Variants in PARD3B observed in about 807,000 individuals in gnomAD.
The protein encoded by PARD3B is par-3 family cell polarity regulator beta.
Under a neutral mutation model 130.2 loss-of-function variants are expected in PARD3B, and 103 were observed. The ratio of observed to expected loss-of-function variants is 0.79; its 90% CI spans 0.67 to 0.93. The LOEUF is 0.93. Among genes scored for constraint, PARD3B ranks in the 40% least tolerant of loss-of-function variants. The probability of loss-of-function intolerance (pLI) is 0.00; values close to 1 mark genes in which losing one functional copy is unlikely to be tolerated. For missense variants in PARD3B, 1,609 were observed against 1,499.2 expected (o/e 1.07, Z -1.21); for synonymous variants, 583 against 553.2 (o/e 1.05, Z -0.76).
chr2:205,221,794 G>A (rs1262560874), intron 15 of PARD3B, among the ~76,000 whole-genome samples: 1 of 152,034 alleles, frequency 6.6e-6, no homozygotes. Flanking sequence ...CTGACACAAT[G>A]CCAACAGTAG....
intron 2 of PARD3B, among the ~76,000 whole-genome samples, chr2:204,846,616 CTCTT>C (rs2044471459): frequency 6.6e-6 from 1 of 150,694 alleles, no homozygotes; most frequent in Non-Finnish European, 1.5e-5. Flanking sequence ...AGAACTTGTG[CTCTT>C]TCTGTTTCTC....
intron 15 of PARD3B, among the ~76,000 whole-genome samples, chr2:205,208,579 A>T (rs1574394689): frequency 7.0e-6 from 1 of 143,850 alleles, no homozygotes; most frequent in East Asian, 2.0e-4. Context: ...CCAATAACAG[A>T]CAAACAGAGA....
At chr2:204,756,666 C>T (rs2040687577) in intron 2 of PARD3B, among the ~76,000 whole-genome samples, 1 of 152,100 alleles carries the variant, frequency 6.6e-6, no homozygotes, top group Non-Finnish European at 1.5e-5. Flanking sequence ...GAGAGGCACG[C>T]CAGACTTGCC....
chr2:205,360,503 T>G (rs910573973), intron 18 of PARD3B, among the ~76,000 whole-genome samples: 9 of 152,266 alleles, frequency 5.9e-5, no homozygotes, highest in African/African-American at 1.9e-4. Context: ...CATTTTGGTC[T>G]TTAATCCACT....
chr2:204,819,345 G>A (rs1010802255), intron 2 of PARD3B, among the ~76,000 whole-genome samples: 1 of 152,148 alleles, frequency 6.6e-6, no homozygotes, highest in African/African-American at 2.4e-5. Flanking sequence ...TCTGTGATCA[G>A]TTATCTTTGG....
At chr2:204,932,433 A>G (rs549296835) in intron 2 of PARD3B, among the ~76,000 whole-genome samples, 8 of 152,116 alleles carry the variant, frequency 5.3e-5, no homozygotes, top group Non-Finnish European at 1.0e-4. Flanking sequence ...TATATCCTAA[A>G]AATGTATTTT....
chr2:204,688,994 T>C (rs2037228914), intron 2 of PARD3B, among the ~76,000 whole-genome samples: 1 of 152,182 alleles, frequency 6.6e-6, no homozygotes, highest in African/African-American at 2.4e-5. Flanking sequence ...ATTAAGGAAC[T>C]GTTGGTCTAT....
At chr2:205,236,657 T>C (rs2039075393) in intron 15 of PARD3B, among the ~76,000 whole-genome samples, 1 of 152,160 alleles carries the variant, frequency 6.6e-6, no homozygotes, top group African/African-American at 2.4e-5. Context: ...AGATAATATA[T>C]CATGACCAAG....
At chr2:205,414,577 A>C (rs1260587062) in intron 19 of PARD3B, among the ~76,000 whole-genome samples, 2 of 152,126 alleles carry the variant, frequency 1.3e-5, no homozygotes, top group Non-Finnish European at 1.5e-5. Context: ...CAGTTTTTTA[A>C]AGTAAAGAAC....
intron 19 of PARD3B, among the ~76,000 whole-genome samples, chr2:205,433,909 T>C (rs2047422830): frequency 6.6e-6 from 1 of 152,362 alleles, no homozygotes; most frequent in Admixed American, 6.5e-5. Flanking sequence ...CTCCTGGTGA[T>C]AAACAGCTGA....
intron 3 of PARD3B, among the ~76,000 whole-genome samples, chr2:204,986,383 C>T (rs180679753): frequency 1.2e-4 from 19 of 152,288 alleles, no homozygotes; most frequent in South Asian, 6.2e-4. Flanking sequence ...CAGAGCATAT[C>T]AACCCTAAAC....
At chr2:204,553,650 CCATATATA>C (rs2030663775) in intron 1 of PARD3B, among the ~76,000 whole-genome samples, 14 of 26,626 alleles carry the variant, frequency 5.3e-4, no homozygotes, top group African/African-American at 2.2e-3. Context: ...TTATATATAT[CCATATATA>C]TATATATATA....
intron 13 of PARD3B, 26 bp from the exon 14 acceptor site, chr2:205,185,738 C>G: frequency 6.3e-7 from 1 of 1,597,066 alleles, no homozygotes; most frequent in South Asian, 1.1e-5. Flanking sequence ...CCACTTTATA[C>G]AGCTTCATTT....
chr2:205,510,880 G>A (rs2050563382), intron 21 of PARD3B, among the ~76,000 whole-genome samples: 1 of 152,190 alleles, frequency 6.6e-6, no homozygotes, highest in South Asian at 2.1e-4. Context: ...TACTAGCTCT[G>A]TGAGGTAGAT....
At chr2:205,565,202 A>G (rs1018470360) in intron 22 of PARD3B, among the ~76,000 whole-genome samples, 2 of 152,192 alleles carry the variant, frequency 1.3e-5, no homozygotes, top group African/African-American at 2.4e-5. Flanking sequence ...GGGTTTTACA[A>G]GGCACTGGAA....
At chr2:205,565,044 A>G (rs898504280) in intron 22 of PARD3B, among the ~76,000 whole-genome samples, 3 of 152,190 alleles carry the variant, frequency 2.0e-5, no homozygotes, top group African/African-American at 4.8e-5. Flanking sequence ...ACACTCTGGG[A>G]CATCATTAGT....
At chr2:204,849,883 T>C (rs2125603551) in intron 2 of PARD3B, among the ~76,000 whole-genome samples, 1 of 152,300 alleles carries the variant, frequency 6.6e-6, no homozygotes, top group Non-Finnish European at 1.5e-5. Context: ...AAGTAAATTG[T>C]CATTTAGTAT....
intron 10 of PARD3B, among the ~76,000 whole-genome samples, chr2:205,143,473 T>A (rs2033132909): frequency 1.3e-5 from 2 of 152,174 alleles, no homozygotes; most frequent in African/African-American, 2.4e-5. Flanking sequence ...TCAACCTACA[T>A]CCAGCAAAAT....
intron 19 of PARD3B, among the ~76,000 whole-genome samples, chr2:205,435,832 A>G (rs1051709775): frequency 6.6e-6 from 1 of 152,104 alleles, no homozygotes; most frequent in South Asian, 2.1e-4. Context: ...TTGTTCCCAC[A>G]GATATTTAGT....
Sources: gnomAD v4.1 joint callset for allele counts (sites outside exome capture counted in the v4.1 genomes callset) on GRCh38, gnomAD v4.1.1 for gene constraint, MANE v1.5 for transcripts, NCBI Gene and HGNC (gene_info 2026-07-23, HGNC 2026-07-21) for gene names.